C13orf46: variants seen among roughly 807,000 people sequenced by gnomAD.
The protein encoded by C13orf46 is chromosome 13 open reading frame 46.
chr13:113,942,205 T>A, the C13orf46 span, among the ~76,000 whole-genome samples: 6 of 152,260 alleles, frequency 3.9e-5, no homozygotes, highest in Admixed American at 3.9e-4. Context: ...AATAGACGCA[T>A]ATGAGTTCTG....
downstream of C13orf46, among the ~76,000 whole-genome samples, chr13:113,950,016 G>A (rs2052482834): frequency 6.7e-6 from 1 of 150,334 alleles, no homozygotes; most frequent in Admixed American, 6.6e-5. Flanking sequence ...CCCTGCCTCG[G>A]GCACCTCGGT....
intron 6 of C13orf46, among the ~76,000 whole-genome samples, chr13:113,959,789 GC>G (rs1458833859): frequency 6.6e-6 from 1 of 152,190 alleles, no homozygotes; most frequent in Non-Finnish European, 1.5e-5. Context: ...TTATCCTGAA[GC>G]AAAATGACTG....
intron 4 of C13orf46, among the ~76,000 whole-genome samples, chr13:113,967,728 G>A (rs894151346): frequency 6.6e-6 from 1 of 152,130 alleles, no homozygotes; most frequent in African/African-American, 2.4e-5. Context: ...CCAGGAGATG[G>A]GGCAATGCCC....
the C13orf46 span, among the ~76,000 whole-genome samples, chr13:113,930,200 C>T: frequency 1.2e-4 from 19 of 152,208 alleles, no homozygotes; most frequent in African/African-American, 3.6e-4. Context: ...GCCATCTGCA[C>T]GGCGCAGTCC....
intron 6 of C13orf46, among the ~76,000 whole-genome samples, chr13:113,958,890 C>A (rs2052564606): frequency 2.0e-5 from 3 of 152,180 alleles, no homozygotes; most frequent in African/African-American, 7.2e-5. Context: ...GGGTCCTCTC[C>A]TGGGGCTGTG....
chr13:113,953,073 T>G (rs1003600487), downstream of C13orf46, among the ~76,000 whole-genome samples: 69 of 152,358 alleles, frequency 4.5e-4, no homozygotes, highest in Admixed American at 1.2e-3. Context: ...GGACGCTGAC[T>G]GCCGCTGCCA....
chr13:113,959,962 T>G (rs2052574480), intron 6 of C13orf46, among the ~76,000 whole-genome samples: 1 of 152,180 alleles, frequency 6.6e-6, no homozygotes, highest in African/African-American at 2.4e-5. Context: ...TTCTAAAGAT[T>G]GAGCTTTGGG....
intron 6 of C13orf46, among the ~76,000 whole-genome samples, chr13:113,961,744 G>A (rs1363018377): frequency 6.6e-6 from 1 of 152,186 alleles, no homozygotes; most frequent in East Asian, 1.9e-4. Context: ...TGTAGTTACT[G>A]TGATGCTGTG....
At chr13:113,942,560 A>G in the C13orf46 span, among the ~76,000 whole-genome samples, 1 of 152,102 alleles carries the variant, frequency 6.6e-6, no homozygotes, top group Non-Finnish European at 1.5e-5. Flanking sequence ...CCTCCACAGG[A>G]TGCTTGCCAA....
chr13:113,931,293 C>T, the C13orf46 span, among the ~76,000 whole-genome samples: 15 of 152,218 alleles, frequency 9.9e-5, no homozygotes, highest in East Asian at 3.9e-4. Flanking sequence ...CCTTTAACCA[C>T]GTCTGAGAGG....
the C13orf46 span, among the ~76,000 whole-genome samples, chr13:113,942,656 C>G: frequency 2.0e-5 from 3 of 152,162 alleles, no homozygotes; most frequent in African/African-American, 7.2e-5. Flanking sequence ...AGAGCTGACG[C>G]GGGCACGGGC....
intron 6 of C13orf46, among the ~76,000 whole-genome samples, chr13:113,963,208 T>TGCCCCTGTCCTCAGCCTG (rs2052601721): frequency 7.5e-6 from 1 of 134,020 alleles, no homozygotes; most frequent in African/African-American, 2.8e-5. Flanking sequence ...TCCTCAGCCT[T>TGCCCCTGTCCTCAGCCTG]GCCCCTGTCC....
At chr13:113,930,383 G>A in the C13orf46 span, among the ~76,000 whole-genome samples, 3 of 103,866 alleles carry the variant, frequency 2.9e-5, no homozygotes, top group African/African-American at 1.3e-4. Flanking sequence ...CCGAGGCGGG[G>A]GCGCAGGAGC....
the C13orf46 span, among the ~76,000 whole-genome samples, chr13:113,930,173 T>C: frequency 2.6e-5 from 4 of 152,238 alleles, no homozygotes; most frequent in African/African-American, 7.2e-5. Flanking sequence ...GGAATGTGAC[T>C]GTGCCTGGAG....
chr13:113,957,740 CCTGT>C (rs2052551167), intron 6 of C13orf46, among the ~76,000 whole-genome samples: 2 of 128,514 alleles, frequency 1.6e-5, no homozygotes, highest in Admixed American at 1.6e-4. Flanking sequence ...CTGCACTCTG[CCTGT>C]ACCCCCTTTC....
chr13:113,949,566 C>T (rs1247326566), downstream of C13orf46, among the ~76,000 whole-genome samples: 1 of 152,184 alleles, frequency 6.6e-6, no homozygotes, highest in East Asian at 1.9e-4. Flanking sequence ...CTCTTTTTGC[C>T]TAAAGCAGGG....
chr13:113,950,957 C>T (rs959731067), downstream of C13orf46, among the ~76,000 whole-genome samples: 1 of 152,190 alleles, frequency 6.6e-6, no homozygotes, highest in Non-Finnish European at 1.5e-5. Context: ...GAAGGCCGGG[C>T]GTTCAGAGGA....
At chr13:113,932,632 T>C in the C13orf46 span, among the ~76,000 whole-genome samples, 1 of 152,268 alleles carries the variant, frequency 6.6e-6, no homozygotes, top group Non-Finnish European at 1.5e-5. Context: ...AAGTCCTTTT[T>C]GAACATGGTT....
the C13orf46 span, among the ~76,000 whole-genome samples, chr13:113,942,233 C>T: frequency 1.3e-5 from 2 of 152,296 alleles, no homozygotes; most frequent in East Asian, 1.9e-4. Context: ...CGCCACTGGC[C>T]GGGTCAACAC....
Sources: allele counts gnomAD v4.1 joint callset (sites outside exome capture counted in the v4.1 genomes callset), GRCh38; gene constraint gnomAD v4.1.1; transcripts MANE v1.5; gene names NCBI Gene and HGNC (gene_info 2026-07-23, HGNC 2026-07-21).